TTBK2: variants seen among roughly 807,000 people sequenced by gnomAD.
TTBK2 encodes tau-tubulin kinase 2.
A neutral mutation model predicts 110.8 loss-of-function variants in TTBK2; 28 were observed. The ratio of observed to expected loss-of-function variants is 0.25; its 90% CI spans 0.19 to 0.35. The LOEUF is 0.35. Ranked by LOEUF, TTBK2 falls within the 10% of genes least tolerant of loss-of-function variation. The probability of loss-of-function intolerance (pLI) is 1.00; values close to 1 mark genes in which losing one functional copy is unlikely to be tolerated. For missense variants in TTBK2, 1,369 were observed against 1,500.3 expected, an observed-to-expected ratio of 0.91 and a Z score of 1.45; for synonymous variants, 532 against 527.3, an observed-to-expected ratio of 1.01 and a Z score of -0.12.
intron 4 of TTBK2, among the ~76,000 whole-genome samples, chr15:42,839,349 T>G (rs761103903): frequency 1.3e-5 from 2 of 152,232 alleles, no homozygotes; most frequent in Admixed American, 6.5e-5. Flanking sequence ...AGTTCACCAT[T>G]GATGGGCATG....
intron 14 of TTBK2, among the ~76,000 whole-genome samples, chr15:42,748,078 A>G (rs996459285): frequency 1.3e-5 from 2 of 152,240 alleles, no homozygotes; most frequent in African/African-American, 4.8e-5. Context: ...AAACTTTTCT[A>G]TCAAACCAAA....
Position 42,739,502 on chromosome 15 carries a change from G to A in TTBK2, c.*6293C>T, listed in dbSNP as rs2061737639. 6.6e-6 allele frequency: 1 copy of A among 152,196 alleles called. No homozygotes were observed. The highest frequency in any genetic ancestry group is 2.4e-5 in the African/African-American group (1 of 41,434). The allele number at this position is 152,196 out of a possible 1,614,324, so 9.4% of individuals were successfully genotyped here. ...TAAATGGCCTAGTGAAATAGACACT[G>A]GCTATTTTAGAAAAAGGGTCAGAAG... On this transcript the variant is annotated 3_prime_UTR_variant, in exon 15 of 15. Coordinates refer to ENST00000267890, the MANE Select transcript of TTBK2 (RefSeq NM_173500.4).
chr15:42,857,129 A>G (rs1289918743), intron 3 of TTBK2, among the ~76,000 whole-genome samples: 2 of 152,162 alleles, frequency 1.3e-5, no homozygotes, highest in African/African-American at 4.8e-5. Flanking sequence ...AGAATGCAAG[A>G]TGTTAATAAT....
chr15:42,802,242 A>AC (rs781689535), intron 9 of TTBK2: 13 of 844,858 alleles, frequency 1.5e-5, no homozygotes, highest in Non-Finnish European at 2.7e-5. Flanking sequence ...CACTGGCCCC[A>AC]CCATATCCTG....
At chr15:42,790,976 C>T (rs1363578999) in intron 10 of TTBK2, among the ~76,000 whole-genome samples, 5 of 152,142 alleles carry the variant, frequency 3.3e-5, no homozygotes, top group African/African-American at 4.8e-5. Flanking sequence ...CTCCACCTCC[C>T]GTGTTCACGC....
At chr15:42,804,895 CTG>C (rs1203561044) in intron 9 of TTBK2, among the ~76,000 whole-genome samples, 1 of 152,186 alleles carries the variant, frequency 6.6e-6, no homozygotes. Context: ...AACGAGAAGA[CTG>C]AGAGAATAGC....
chr15:42,918,588 A>G (rs2031209464), intron 1 of TTBK2, among the ~76,000 whole-genome samples: 1 of 152,174 alleles, frequency 6.6e-6, no homozygotes, highest in Non-Finnish European at 1.5e-5. Flanking sequence ...ATATTCATTT[A>G]CTTTGAAAAA....
At chr15:42,758,682 C>G (rs968368140) in intron 13 of TTBK2, among the ~76,000 whole-genome samples, 1 of 150,204 alleles carries the variant, frequency 6.7e-6, no homozygotes, top group Non-Finnish European at 1.5e-5. Context: ...AAAAGAAGCC[C>G]AAGAAGGCAG....
chr15:42,874,847 G>A (rs372174745), intron 2 of TTBK2, among the ~76,000 whole-genome samples: 6 of 151,776 alleles, frequency 4.0e-5, no homozygotes, highest in South Asian at 4.2e-4. Context: ...TTAGCCGGGC[G>A]TGGTGGCATG....
At chr15:42,829,860 A>G in intron 5 of TTBK2, 78 bp downstream of exon 5, 1 of 1,571,346 alleles carries the variant, frequency 6.4e-7, no homozygotes, top group Non-Finnish European at 8.8e-7. Flanking sequence ...ACAAAGCTAC[A>G]TTTGTAATTT....
At chr15:42,920,126 C>T (rs1487827105) in intron 1 of TTBK2, among the ~76,000 whole-genome samples, 5 of 152,142 alleles carry the variant, frequency 3.3e-5, no homozygotes, top group African/African-American at 7.2e-5. Flanking sequence ...GGCATGGGTA[C>T]AAGTGATATG....
chr15:42,912,819 A>G (rs551498012), intron 1 of TTBK2, among the ~76,000 whole-genome samples: 2 of 152,074 alleles, frequency 1.3e-5, no homozygotes, highest in African/African-American at 2.4e-5. Flanking sequence ...TTTTCAAGGC[A>G]TCTAATATAC....
chr15:42,831,059 T>C (rs535103077), intron 4 of TTBK2, among the ~76,000 whole-genome samples: 1 of 151,690 alleles, frequency 6.6e-6, no homozygotes, highest in South Asian at 2.1e-4. Context: ...TGTGATCAAG[T>C]ATATAGAATG....
chr15:42,831,216 A>G (rs935031615), intron 4 of TTBK2, among the ~76,000 whole-genome samples: 36 of 152,054 alleles, frequency 2.4e-4, no homozygotes, highest in Non-Finnish European at 1.8e-4. Flanking sequence ...AACAAGACCT[A>G]TATTTAAAGT....
At chr15:42,783,303 G>C in intron 11 of TTBK2, 116 bp downstream of exon 11, 1 of 957,206 alleles carries the variant, frequency 1.0e-6, no homozygotes, top group Non-Finnish European at 1.7e-6. Context: ...ACTCAGCAAG[G>C]AGGAGCCACA....
chr15:42,797,265 T>C (rs960343853), intron 9 of TTBK2, among the ~76,000 whole-genome samples: 6 of 152,246 alleles, frequency 3.9e-5, no homozygotes, highest in Non-Finnish European at 5.9e-5. Context: ...TGATCCTAAA[T>C]GGCTTTTATG....
intron 9 of TTBK2, among the ~76,000 whole-genome samples, chr15:42,809,657 A>G (rs926755006): frequency 2.6e-5 from 4 of 152,200 alleles, no homozygotes; most frequent in African/African-American, 9.7e-5. Flanking sequence ...GTATTTTCTC[A>G]ATTTGTTAGA....
At chr15:42,813,240 G>A (rs1427293272) in intron 7 of TTBK2, among the ~76,000 whole-genome samples, 3 of 152,146 alleles carry the variant, frequency 2.0e-5, no homozygotes, top group African/African-American at 7.2e-5. Flanking sequence ...AGGACAAATT[G>A]GCTAGGCACG....
chr15:42,908,193 A>C (rs1005620733), intron 1 of TTBK2: 1 of 152,222 alleles, frequency 6.6e-6, no homozygotes, highest in African/African-American at 2.4e-5. Context: ...AGTACAGATT[A>C]GGAGAGGCAA....
Sources: gnomAD v4.1 joint callset for allele counts (sites outside exome capture counted in the v4.1 genomes callset) on GRCh38, gnomAD v4.1.1 for gene constraint, MANE v1.5 for transcripts, NCBI Gene and HGNC (gene_info 2026-07-23, HGNC 2026-07-21) for gene names.